The following OXR1 variants were observed in gnomAD, a reference collection of about 807,000 sequenced individuals.
OXR1 encodes the protein oxidation resistance 1, also known as oxidation resistance protein 1.
Under a neutral mutation model 104.6 loss-of-function variants are expected in OXR1, and 41 were observed. The observed-to-expected ratio is 0.39, with a 90% CI of 0.31 to 0.51. The LOEUF (loss-of-function observed/expected upper bound fraction) is 0.51. Ranked by LOEUF, OXR1 falls within the 20% of genes least tolerant of loss-of-function variation. The pLI, the probability that OXR1 is intolerant of heterozygous loss-of-function variation, is 0.77. For missense variants in OXR1, 955 were observed against 1,031.9 expected, an observed-to-expected ratio of 0.93 and a Z score of 1.02; for synonymous variants, 348 against 348.4, an observed-to-expected ratio of 1.00 and a Z score of 0.01.
In OXR1 at chr8:106,656,280, A is replaced by G. The variant is rs974556649; in HGVS notation, c.221-22930A>G. ...TTTATTTCTCACAGTTCTGGAGGCT[A>G]GAAGTCCAAGATCAGGGTGCCAGCA... On this transcript the variant is annotated intron_variant, in intron 3 of 16. Coordinates refer to ENST00000517566, the MANE Select transcript of OXR1 (RefSeq NM_001198533.2). 1.8e-4 allele frequency: 27 copies of G among 152,576 alleles called. 1 individual carries two copies. The highest frequency in any genetic ancestry group is 7.8e-4 in the Admixed American group (12 of 15,310). The allele number at this position is 152,576 out of a possible 1,614,324, so 9.5% of individuals were successfully genotyped here.
chr8:106,504,877 T>C (rs575936891), intron 2 of OXR1, among the ~76,000 whole-genome samples: 29 of 152,340 alleles, frequency 1.9e-4, no homozygotes, highest in Non-Finnish European at 4.0e-4. Context: ...GTATAATATA[T>C]TGCTTTTCTG....
intron 6 of OXR1, among the ~76,000 whole-genome samples, chr8:106,688,436 T>C (rs1054558071): frequency 6.6e-6 from 1 of 151,944 alleles, no homozygotes; most frequent in Non-Finnish European, 1.5e-5. Context: ...AAAAAATACT[T>C]TTAAGAGATT....
At chr8:106,711,545 A>G (rs1252574934) in intron 10 of OXR1, among the ~76,000 whole-genome samples, 1 of 152,154 alleles carries the variant, frequency 6.6e-6, no homozygotes, top group Non-Finnish European at 1.5e-5. Context: ...CTGTGTGTGT[A>G]TATTGAAATT....
At chr8:106,659,732 G>A (rs1390062563) in intron 3 of OXR1, among the ~76,000 whole-genome samples, 1 of 152,194 alleles carries the variant, frequency 6.6e-6, no homozygotes, top group Admixed American at 6.5e-5. Flanking sequence ...GCCCGTGTCT[G>A]TAGTTCCAGC....
At chr8:106,365,535 G>GT (rs1816435832) in intron 2 of OXR1, among the ~76,000 whole-genome samples, 1 of 151,994 alleles carries the variant, frequency 6.6e-6, no homozygotes, top group Non-Finnish European at 1.5e-5. Flanking sequence ...CATTATTTGG[G>GT]TTAAAGTTAA....
intron 1 of OXR1, among the ~76,000 whole-genome samples, chr8:106,354,551 T>C (rs575460241): frequency 6.6e-6 from 1 of 152,300 alleles, no homozygotes; most frequent in South Asian, 2.1e-4. Context: ...AATTGAAGCC[T>C]AATTTTCTGC....
At chr8:106,620,560 G>A (rs1434687015) in intron 3 of OXR1, among the ~76,000 whole-genome samples, 2 of 151,948 alleles carry the variant, frequency 1.3e-5, no homozygotes, top group Non-Finnish European at 2.9e-5. Context: ...ACTGTTCTTA[G>A]GCCACTGTCT....
chr8:106,662,754 A>G (rs944727670), intron 3 of OXR1, among the ~76,000 whole-genome samples: 1 of 152,158 alleles, frequency 6.6e-6, no homozygotes, highest in Non-Finnish European at 1.5e-5. Context: ...ATGGGAGTAT[A>G]TAAGAAGGGT....
chr8:106,569,238 A>G (rs544880296), intron 3 of OXR1, among the ~76,000 whole-genome samples: 1 of 152,086 alleles, frequency 6.6e-6, no homozygotes, highest in Non-Finnish European at 1.5e-5. Context: ...ATGCAAACAA[A>G]CCTATGCCCC....
chr8:106,396,071 A>G (rs1330804503), intron 2 of OXR1, among the ~76,000 whole-genome samples: 1 of 151,610 alleles, frequency 6.6e-6, no homozygotes, highest in Admixed American at 6.6e-5. Context: ...TCCTACTTAT[A>G]TAAATACATA....
chr8:106,490,396 C>T (rs1304482302), intron 2 of OXR1, among the ~76,000 whole-genome samples: 1 of 152,040 alleles, frequency 6.6e-6, no homozygotes, highest in Non-Finnish European at 1.5e-5. Flanking sequence ...TCTCACTCTG[C>T]TGCCTAGGCT....
intron 2 of OXR1, among the ~76,000 whole-genome samples, chr8:106,449,111 C>T (rs1820170222): frequency 1.3e-5 from 2 of 152,050 alleles, no homozygotes; most frequent in Admixed American, 1.3e-4. Flanking sequence ...CAACAATTAT[C>T]TGGAAACTTA....
intron 2 of OXR1, among the ~76,000 whole-genome samples, chr8:106,372,109 T>A (rs1318854800): frequency 3.9e-5 from 6 of 152,338 alleles, no homozygotes; most frequent in East Asian, 1.9e-4. Context: ...GCTGTAAGAA[T>A]CTGCCTGTTC....
At chr8:106,442,865 T>C (rs1001488227) in intron 2 of OXR1, among the ~76,000 whole-genome samples, 55 of 152,168 alleles carry the variant, frequency 3.6e-4, no homozygotes, top group African/African-American at 1.3e-3. Flanking sequence ...AAGAAACACC[T>C]CCTGCATTAA....
At chr8:106,461,382 G>T (rs1271913985) in intron 2 of OXR1, among the ~76,000 whole-genome samples, 1 of 152,014 alleles carries the variant, frequency 6.6e-6, no homozygotes, top group Admixed American at 6.6e-5. Context: ...GACCAGCCTG[G>T]CCAACATGGT....
At chr8:106,636,157 C>T (rs957298201) in intron 3 of OXR1, among the ~76,000 whole-genome samples, 7 of 152,136 alleles carry the variant, frequency 4.6e-5, no homozygotes, top group African/African-American at 1.7e-4. Flanking sequence ...TAATAGAGTC[C>T]TGTACTAATC....
At chr8:106,273,624 A>C (rs1368402279) in intron 1 of OXR1, among the ~76,000 whole-genome samples, 1 of 152,244 alleles carries the variant, frequency 6.6e-6, no homozygotes, top group Non-Finnish European at 1.5e-5. Context: ...GCTTAACATT[A>C]AAAGCAACCC....
At chr8:106,614,871 A>T (rs1821090126) in intron 3 of OXR1, among the ~76,000 whole-genome samples, 1 of 152,218 alleles carries the variant, frequency 6.6e-6, no homozygotes, top group African/African-American at 2.4e-5. Flanking sequence ...CACAATGCAA[A>T]TGTAGATAGT....
At chr8:106,475,803 G>A (rs1224693404) in intron 2 of OXR1, among the ~76,000 whole-genome samples, 4 of 151,878 alleles carry the variant, frequency 2.6e-5, no homozygotes, top group Non-Finnish European at 5.9e-5. Flanking sequence ...CCATCAAGTT[G>A]TCTTCTGTTA....
Sources: gnomAD v4.1 joint callset for allele counts (sites outside exome capture counted in the v4.1 genomes callset) on GRCh38, gnomAD v4.1.1 for gene constraint, MANE v1.5 for transcripts, NCBI Gene and HGNC (gene_info 2026-07-23, HGNC 2026-07-21) for gene names.